The following NUP133 variants were observed in gnomAD, a reference collection of about 807,000 sequenced individuals.
The protein encoded by NUP133 is nuclear pore complex protein Nup133.
Under a neutral mutation model 146.2 loss-of-function variants are expected in NUP133, and 66 were observed. The observed-to-expected ratio is 0.45, with a 90% confidence interval of 0.37 to 0.55. The LOEUF is 0.55. NUP133 is among the 20% of genes least tolerant of loss of function. The pLI is 0.00. For missense variants in NUP133, 1,277 were observed against 1,374.8 expected (o/e 0.93, Z 1.12); for synonymous variants, 521 against 498.8 (o/e 1.04, Z -0.59).
At chr1:229,450,795 A>C in intron 22 of NUP133, 190 bp from the exon 23 acceptor site, 2 of 291,508 alleles carry the variant, frequency 6.9e-6, no homozygotes, top group Non-Finnish European at 1.3e-5. Context: ...GCACGATCTC[A>C]GCTCACTGAA....
intron 16 of NUP133, among the ~76,000 whole-genome samples, chr1:229,466,234 G>A (rs1444811844): frequency 2.0e-5 from 3 of 152,038 alleles, no homozygotes; most frequent in African/African-American, 7.2e-5. Flanking sequence ...ACTCTTGGAG[G>A]TTGAGGCAGG....
chr1:229,471,732 G>A (rs1004996222), intron 14 of NUP133, among the ~76,000 whole-genome samples: 3 of 152,056 alleles, frequency 2.0e-5, no homozygotes, highest in African/African-American at 4.8e-5. Flanking sequence ...ATTCTCTTTC[G>A]TTAATAAGTG....
intron 12 of NUP133, among the ~76,000 whole-genome samples, chr1:229,483,504 A>G (rs1661268244): frequency 6.6e-6 from 1 of 152,046 alleles, no homozygotes; most frequent in African/African-American, 2.4e-5. Flanking sequence ...CAGGAGTTTG[A>G]GACTAGCCTG....
intron 25 of NUP133, 142 bp downstream of exon 25, chr1:229,444,772 G>C: frequency 1.9e-6 from 1 of 535,980 alleles, no homozygotes; most frequent in Non-Finnish European, 3.3e-6. Context: ...GCTTGAACCC[G>C]GGAGGTGGAG....
chr1:229,480,649 G>A (rs1245245686), intron 12 of NUP133, among the ~76,000 whole-genome samples: 3 of 152,112 alleles, frequency 2.0e-5, no homozygotes, highest in Non-Finnish European at 2.9e-5. Flanking sequence ...GATAACTTTG[G>A]GCATCACAAG....
intron 23 of NUP133, among the ~76,000 whole-genome samples, chr1:229,449,851 T>TATATATATATATATATA (rs1660401047): frequency 1.5e-5 from 1 of 67,624 alleles, no homozygotes; most frequent in African/African-American, 6.9e-5. Context: ...TATGAAGATT[T>TATATATATATATATATA]TATATATATA....
chr1:229,494,947 G>A (rs1009721991), intron 8 of NUP133, among the ~76,000 whole-genome samples: 1 of 152,196 alleles, frequency 6.6e-6, no homozygotes, highest in Non-Finnish European at 1.5e-5. Flanking sequence ...GAGCAGAAAA[G>A]CTTTGTCTCT....
chr1:229,449,119 CACTT>C lies in NUP133; in HGVS notation c.3245+3_3245+6del. On this transcript the variant is annotated splice_donor_5th_base_variant and intron_variant, in intron 24 of 25. Transcript: ENST00000261396. ...CTTTCCAAAGAAGCAATGCCACGAG[CACTT>C]ACTTATCTCTCTGAAGAGCTTTGCA... 1 of 1,606,570 alleles carries C rather than the reference CACTT, an allele frequency of 6.2e-7. No homozygotes were observed.
At position 229,464,643 on chromosome 1, in the gene NUP133, T is replaced by C; in HGVS notation, c.2532A>G (p.Ser844=). 1.2e-6 allele frequency: 2 copies of C among 1,614,196 alleles called. No homozygotes were observed. The highest frequency in any genetic ancestry group is 2.2e-5 in the South Asian group (2 of 91,080). Residue 844 remains serine (S), a synonymous_variant, in exon 18 of 26, where the codon TCA becomes TCG. Transcript: ENST00000261396. ...NLEMEYLQKR[S]DLLSPLLSLG... Reference sequence around the variant, plus strand: ...ACTTACGAAGAGGAGATAAGAGATCTGATCTTTTCTGTAGGTATTCCATCT... The same window carrying C: ...ACTTACGAAGAGGAGATAAGAGATCCGATCTTTTCTGTAGGTATTCCATCT...
intron 24 of NUP133, among the ~76,000 whole-genome samples, chr1:229,447,076 A>G (rs1660318427): frequency 6.6e-6 from 1 of 152,182 alleles, no homozygotes; most frequent in African/African-American, 2.4e-5. Flanking sequence ...GTGAGCCGAG[A>G]CTGTGCCATT....
At chr1:229,501,538 G>A (rs1009783565) in intron 3 of NUP133, among the ~76,000 whole-genome samples, 2 of 152,192 alleles carry the variant, frequency 1.3e-5, no homozygotes, top group African/African-American at 4.8e-5. Flanking sequence ...TACTAGACAT[G>A]CAAATGATAA....
chr1:229,496,033 G>A lies in NUP133; in HGVS notation c.834C>T (p.Leu278=). Residue 278 remains leucine, a synonymous_variant, in exon 7 of 26, where the codon CTC becomes CTT. Coordinates refer to ENST00000261396, the MANE Select transcript of NUP133 (RefSeq NM_018230.3). The stretch of plus-strand genomic sequence containing the variant: ...AAAAGCTTGATCTCTCTCTATCCCA[G>A]AGAACACTTGAAAGCTATTCAGAAA... ...PSSDLTLSSV[L]WDRERSSFYS... The A allele has an allele frequency of 6.3e-7, 1 of 1,582,232 alleles. No homozygotes were observed. The highest frequency in any genetic ancestry group is 8.6e-7 in the Non-Finnish European group (1 of 1,169,438).
At position 229,502,167 on chromosome 1, in the gene NUP133, T is replaced by C. The variant is rs571357143; in HGVS notation, c.302-65A>G. The C allele has an allele frequency of 1.7e-5, 22 of 1,262,470 alleles. No homozygotes were observed. In the South Asian group the frequency reaches 2.7e-4, roughly 16 times the overall value. The allele number at this position is 1,262,470 out of a possible 1,614,324, so 78.2% of individuals were successfully genotyped here. The stretch of plus-strand genomic sequence containing the variant: ...TAAATCTTTATTACCACACGCTTTA[T>C]CAAAAAAAAGTAATTGGCACACTCA... On this transcript the variant is annotated intron_variant, in intron 2 of 25. Transcript: ENST00000261396.
Position 229,477,663 on chromosome 1 carries a change from T to C in NUP133, c.1690A>G (p.Ile564Val), listed in dbSNP as rs1217900991. The change falls in exon 13 of 26, where the codon ATC becomes GTC. Residue 564 changes from isoleucine (I) to valine (V), a missense_variant. Physicochemically the swap from Ile to Val is conservative, Grantham distance 29. Coordinates refer to ENST00000261396, the MANE Select transcript of NUP133 (RefSeq NM_018230.3). The part of the protein sequence containing the change: ...DSELDRAVTQ[I>V]SVDLMDDYPA... ...TAGTCATCCATCAGGTCTACACTGA[T>C]TTGGGTAACTGCCCTGTCTAGTTCA... is the stretch of plus-strand genomic sequence containing the variant. The C allele has an allele frequency of 3.1e-6, 5 of 1,613,998 alleles. No homozygotes were observed. The highest frequency in any genetic ancestry group is 3.4e-6 in the Non-Finnish European group (4 of 1,179,984).
rs990744717 is a variant in NUP133, at chr1:229,508,264, G to C, written c.-15C>G. 8.7e-6 allele frequency: 13 copies of C among 1,486,694 alleles called. No homozygotes were observed. The highest frequency in any genetic ancestry group is 7.8e-5 in the South Asian group (6 of 77,410). 92.1% of individuals were successfully genotyped at this position (1,486,694 alleles called of 1,614,324 possible). ...GCTGGGAACATGACTCCAAGGAGCA[G>C]CGACTAGGACAGCGAGGGATCTGGC... is the stretch of plus-strand genomic sequence containing the variant. On this transcript the variant is annotated 5_prime_UTR_variant, in exon 1 of 26. Coordinates refer to ENST00000261396, the MANE Select transcript of NUP133 (RefSeq NM_018230.3).
intron 24 of NUP133, 161 bp downstream of exon 24, chr1:229,448,965 G>T: frequency 1.6e-6 from 1 of 637,700 alleles, no homozygotes. Context: ...AGGACATTCA[G>T]CTGGTGCCCA....
chr1:229,449,873 A>ATTTTT (rs71281043), intron 23 of NUP133, among the ~76,000 whole-genome samples: 5 of 85,804 alleles, frequency 5.8e-5, no homozygotes, highest in African/African-American at 1.0e-4. Context: ...ATATATATAT[A>ATTTTT]TTTTTTTTTT....
chr1:229,483,748 A>T (rs2102772375), intron 12 of NUP133, among the ~76,000 whole-genome samples: 1 of 151,310 alleles, frequency 6.6e-6, no homozygotes, highest in Admixed American at 6.6e-5. Flanking sequence ...TTTGCACCTT[A>T]ACGTTATACG....
chr1:229,445,861 T>A (rs1305219278), intron 24 of NUP133, among the ~76,000 whole-genome samples: 1 of 152,146 alleles, frequency 6.6e-6, no homozygotes, highest in Non-Finnish European at 1.5e-5. Flanking sequence ...ATTTTAACTA[T>A]TTTGGAATGA....
Sources: allele counts gnomAD v4.1 joint callset (sites outside exome capture counted in the v4.1 genomes callset), GRCh38; gene constraint gnomAD v4.1.1; transcripts MANE v1.5; gene names NCBI Gene and HGNC (gene_info 2026-07-23, HGNC 2026-07-21).